Variants in ZNF804A observed in about 807,000 individuals in gnomAD.
ZNF804A encodes zinc finger protein 804A.
ZNF804A carries 2 observed loss-of-function variants against 16.5 expected under a neutral mutation model. That is an observed-to-expected ratio of 0.12 (90% confidence interval 0.05 to 0.38). The LOEUF (loss-of-function observed/expected upper bound fraction) is 0.38. Among genes scored for constraint, ZNF804A ranks in the 10% least tolerant of loss-of-function variants. The pLI is 0.99. For missense variants in ZNF804A, 1,473 were observed against 1,390.7 expected (o/e 1.06, Z -0.94); for synonymous variants, 534 against 489.6 (o/e 1.09, Z -1.20).
chr2:184,917,638 A>C (rs1685470919), intron 2 of ZNF804A, among the ~76,000 whole-genome samples: 1 of 151,948 alleles, frequency 6.6e-6, no homozygotes, highest in Non-Finnish European at 1.5e-5. Flanking sequence ...CGTTAATCTT[A>C]CTGTGCCTAG....
At chr2:184,655,693 G>A (rs888655329) in intron 1 of ZNF804A, among the ~76,000 whole-genome samples, 5 of 150,714 alleles carry the variant, frequency 3.3e-5, no homozygotes, top group African/African-American at 4.9e-5. Context: ...TTTTTTTTTC[G>A]TGGAGTTCAA....
chr2:184,722,652 C>A (rs1048989211), intron 1 of ZNF804A, among the ~76,000 whole-genome samples: 1 of 151,922 alleles, frequency 6.6e-6, no homozygotes, highest in Non-Finnish European at 1.5e-5. Flanking sequence ...ACCACTGATA[C>A]GTGTTCAACA....
intron 1 of ZNF804A, among the ~76,000 whole-genome samples, chr2:184,862,035 T>C (rs1002521231): frequency 1.3e-5 from 2 of 152,210 alleles, no homozygotes; most frequent in African/African-American, 4.8e-5. Context: ...TTTTTCACTT[T>C]GTGCCTTCAC....
chr2:184,917,282 A>G (rs948961310), intron 2 of ZNF804A, among the ~76,000 whole-genome samples: 1 of 152,158 alleles, frequency 6.6e-6, no homozygotes, highest in African/African-American at 2.4e-5. Context: ...TCCTGCATAC[A>G]ACCCAAAAGA....
At chr2:184,909,951 A>G (rs1433054638) in intron 2 of ZNF804A, among the ~76,000 whole-genome samples, 1 of 151,932 alleles carries the variant, frequency 6.6e-6, no homozygotes, top group African/African-American at 2.4e-5. Flanking sequence ...TAGTCTCAAT[A>G]ATTTCATTTT....
chr2:184,747,265 T>A (rs540124749), intron 1 of ZNF804A, among the ~76,000 whole-genome samples: 19 of 134,270 alleles, frequency 1.4e-4, no homozygotes, highest in African/African-American at 4.7e-4. Flanking sequence ...CCCGCTCGGG[T>A]CCCCTTCCAC....
intron 1 of ZNF804A, among the ~76,000 whole-genome samples, chr2:184,670,676 A>T (rs974133653): frequency 1.3e-5 from 2 of 151,846 alleles, no homozygotes; most frequent in Admixed American, 6.6e-5. Flanking sequence ...TGGATGTTAT[A>T]TTTTTCTTTA....
chr2:184,922,430 T>C (rs1022874660), intron 2 of ZNF804A, among the ~76,000 whole-genome samples: 7 of 152,102 alleles, frequency 4.6e-5, no homozygotes, highest in Non-Finnish European at 1.0e-4. Context: ...ATTTTGCCTA[T>C]TTTTTAATCT....
chr2:184,741,159 T>C (rs1470851483), intron 1 of ZNF804A, among the ~76,000 whole-genome samples: 2 of 152,192 alleles, frequency 1.3e-5, no homozygotes, highest in African/African-American at 4.8e-5. Context: ...AGTTCTTCAC[T>C]AGAATTCATT....
At chr2:184,614,449 C>A (rs1691288112) in intron 1 of ZNF804A, among the ~76,000 whole-genome samples, 1 of 152,126 alleles carries the variant, frequency 6.6e-6, no homozygotes, top group African/African-American at 2.4e-5. Context: ...TCTAATTAAA[C>A]TAAAGAGCTT....
At chr2:184,822,606 T>G (rs372416508) in intron 1 of ZNF804A, among the ~76,000 whole-genome samples, 1 of 152,170 alleles carries the variant, frequency 6.6e-6, no homozygotes. Flanking sequence ...AGAGTACCTC[T>G]TGAATCCAGC....
chr2:184,933,315 G>A (rs1450946564), intron 2 of ZNF804A, among the ~76,000 whole-genome samples: 6 of 152,048 alleles, frequency 3.9e-5, no homozygotes, highest in East Asian at 1.9e-4. Flanking sequence ...TCTGAATTAC[G>A]CAGAGAAACA....
intron 1 of ZNF804A, among the ~76,000 whole-genome samples, chr2:184,611,628 T>G (rs916873100): frequency 6.6e-6 from 1 of 152,174 alleles, no homozygotes; most frequent in Non-Finnish European, 1.5e-5. Context: ...TCTAGATTAC[T>G]GAAGTTCTGA....
At chr2:184,736,224 G>C (rs1360858364) in intron 1 of ZNF804A, among the ~76,000 whole-genome samples, 1 of 152,086 alleles carries the variant, frequency 6.6e-6, no homozygotes, top group African/African-American at 2.4e-5. Context: ...ATGTGATCCT[G>C]ACCTTACCAA....
chr2:184,629,051 G>A (rs1384806279), intron 1 of ZNF804A, among the ~76,000 whole-genome samples: 1 of 151,622 alleles, frequency 6.6e-6, no homozygotes, highest in Non-Finnish European at 1.5e-5. Flanking sequence ...TCCCTAATTT[G>A]TGAAAAGTGT....
rs750764917 is a variant in ZNF804A, at chr2:184,598,935, C to A, written c.-25C>A. 36 of 1,481,172 alleles carry A rather than the reference C, an allele frequency of 2.4e-5. No homozygotes were observed. The highest frequency in any genetic ancestry group is 3.1e-5 in the Non-Finnish European group (34 of 1,091,688). 91.8% of individuals were successfully genotyped at this position (1,481,172 alleles called of 1,614,324 possible). On this transcript the variant is annotated 5_prime_UTR_variant, in exon 1 of 4. Transcript: ENST00000302277. ...GCGGGGTGCGTGGAAGCGGCGGCTGCGGCGGAGGAGGCGGCGGCTGCCCCA... is the reference window on the plus strand; with the variant it reads ...GCGGGGTGCGTGGAAGCGGCGGCTGAGGCGGAGGAGGCGGCGGCTGCCCCA...
intron 2 of ZNF804A, among the ~76,000 whole-genome samples, chr2:184,909,637 T>C (rs998305190): frequency 3.3e-5 from 5 of 152,012 alleles, no homozygotes; most frequent in African/African-American, 1.2e-4. Flanking sequence ...TGAAAAACAG[T>C]TATTTTGTCT....
At chr2:184,772,020 C>A (rs1558957107) in intron 1 of ZNF804A, among the ~76,000 whole-genome samples, 2 of 151,712 alleles carry the variant, frequency 1.3e-5, no homozygotes, top group African/African-American at 4.8e-5. Flanking sequence ...GTGTGTGAAA[C>A]AAAAAACAGA....
In ZNF804A at chr2:184,765,552, C is replaced by T. The variant is rs184009674; in HGVS notation, c.112-100817C>T. ...TCTAATTACCGGTGGGTGCATGCAGCCCCCAGTCACGTAACCCCTGCTTGC... is the reference window on the plus strand; with the variant it reads ...TCTAATTACCGGTGGGTGCATGCAGTCCCCAGTCACGTAACCCCTGCTTGC... On this transcript the variant is annotated intron_variant, in intron 1 of 3. Coordinates refer to ENST00000302277, the MANE Select transcript of ZNF804A (RefSeq NM_194250.2). Among the ~76,000 whole-genome samples the T allele has an allele frequency of 2.0e-5, 3 of 149,950 alleles. No homozygotes were observed. The East Asian group carries it at 5.9e-4, about 30-fold the overall frequency.
Sources: gnomAD v4.1 joint callset for allele counts (sites outside exome capture counted in the v4.1 genomes callset) on GRCh38, gnomAD v4.1.1 for gene constraint, MANE v1.5 for transcripts, NCBI Gene and HGNC (gene_info 2026-07-23, HGNC 2026-07-21) for gene names.